Variants in XRN1 observed in about 807,000 individuals in gnomAD.
XRN1 encodes strand-exchange protein 1 homolog.
A neutral mutation model predicts 222.3 loss-of-function variants in XRN1; 67 were observed. The ratio of observed to expected loss-of-function variants is 0.30; its 90% CI spans 0.25 to 0.37. The LOEUF (loss-of-function observed/expected upper bound fraction) is 0.37. Ranked by LOEUF, XRN1 falls within the 10% of genes least tolerant of loss-of-function variation. XRN1 has a pLI of 1.00. For missense variants in XRN1, 1,707 were observed against 2,000.2 expected (o/e 0.85, Z 2.80); for synonymous variants, 643 against 652.4 (o/e 0.99, Z 0.22).
At chr3:142,336,156 T>A (rs1021189489) in intron 33 of XRN1, among the ~76,000 whole-genome samples, 1 of 151,984 alleles carries the variant, frequency 6.6e-6, no homozygotes, top group African/African-American at 2.4e-5. Flanking sequence ...GATGTGAAGA[T>A]GAAGGAGATA....
chr3:142,375,180 G>A (rs1431464819), intron 25 of XRN1, among the ~76,000 whole-genome samples: 1 of 152,124 alleles, frequency 6.6e-6, no homozygotes, highest in East Asian at 1.9e-4. Context: ...CCCAGTTCGT[G>A]GTACTTTGTT....
chr3:142,359,274 C>T (rs1053545371), intron 30 of XRN1, among the ~76,000 whole-genome samples: 2 of 152,112 alleles, frequency 1.3e-5, no homozygotes, highest in African/African-American at 4.8e-5. Context: ...GTCAAACTTC[C>T]CAAGTGTTGC....
intron 1 of XRN1, chr3:142,435,031 T>C (rs2069811186): frequency 6.6e-6 from 1 of 152,154 alleles, no homozygotes; most frequent in Non-Finnish European, 1.5e-5. Context: ...TTTACATATA[T>C]AGGGTTAAAA....
intron 10 of XRN1, 96 bp from the exon 11 acceptor site, chr3:142,418,977 C>T (rs1577403252): frequency 1.7e-6 from 2 of 1,153,730 alleles, no homozygotes; most frequent in East Asian, 2.4e-5. Flanking sequence ...TTCTATAGTT[C>T]TTCCATGTTA....
At chr3:142,432,146 TAA>T (rs1377598860) in intron 2 of XRN1, among the ~76,000 whole-genome samples, 3 of 126,782 alleles carry the variant, frequency 2.4e-5, no homozygotes, top group African/African-American at 9.5e-5. Context: ...ATAAAATATA[TAA>T]TATATAATTT....
chr3:142,374,618 G>A (rs1165740411), intron 25 of XRN1, among the ~76,000 whole-genome samples: 2 of 152,160 alleles, frequency 1.3e-5, no homozygotes, highest in Non-Finnish European at 2.9e-5. Flanking sequence ...CCAGAGTGGT[G>A]GAAGTCAAAG....
At chr3:142,374,425 TAAG>T (rs912616839) in intron 25 of XRN1, among the ~76,000 whole-genome samples, 1 of 152,050 alleles carries the variant, frequency 6.6e-6, no homozygotes, top group Non-Finnish European at 1.5e-5. Flanking sequence ...TGAACACAGA[TAAG>T]AAGCAAATGA....
At chr3:142,417,034 A>T in intron 13 of XRN1, 106 bp downstream of exon 13, 2 of 824,650 alleles carry the variant, frequency 2.4e-6, no homozygotes, top group South Asian at 4.5e-5. Flanking sequence ...AAAAAAAAAA[A>T]AAATTACCAT....
Position 142,448,021 on chromosome 3 carries a change from G to C in XRN1, c.-77C>G. On this transcript the variant is annotated 5_prime_UTR_variant, in exon 1 of 41. Transcript: ENST00000392981. ...CGCCGGGGCTCCGCCGCAGCCTCCG[G>C]TCGTCGCTCCGCGGATGACAACACA... The C allele has an allele frequency of 6.7e-7, 1 of 1,495,240 alleles. No homozygotes were observed. Among genetic ancestry groups the C allele is most frequent in the Non-Finnish European group, 9.3e-7 (1 of 1,080,248 alleles). The allele number at this position is 1,495,240 out of a possible 1,614,324, so 92.6% of individuals were successfully genotyped here.
chr3:142,330,593 GTT>G (rs74269485), intron 36 of XRN1, among the ~76,000 whole-genome samples: 1,708 of 137,080 alleles, frequency 0.012, 36 homozygotes, highest in African/African-American at 0.043. Context: ...AAGCCTATGA[GTT>G]TTTTTTTTTT....
intron 33 of XRN1, among the ~76,000 whole-genome samples, chr3:142,346,091 T>C (rs186688854): frequency 6.6e-6 from 1 of 152,366 alleles, no homozygotes; most frequent in East Asian, 1.9e-4. Flanking sequence ...CAGATATTCA[T>C]AGCAGCATTA....
chr3:142,421,325 T>C lies in XRN1; in HGVS notation c.1035+151A>G, dbSNP rs2069024169. On this transcript the variant is annotated intron_variant, in intron 9 of 40. Transcript: ENST00000392981. ...TCTAAAAATACAAATAGAAAGCAAA[T>C]AAAAATAAAATTAATTTAGGTAAAA... 5.4e-6 allele frequency: 5 copies of C among 925,102 alleles called. No individual in the cohort carries two copies. In the Admixed American group the frequency reaches 1.7e-4, roughly 32 times the overall value. The allele number at this position is 925,102 out of a possible 1,614,324, so 57.3% of individuals were successfully genotyped here.
Position 142,418,539 on chromosome 3 carries a change from A to G in XRN1, c.1311T>C (p.Tyr437=), listed in dbSNP as rs375990849. 4.3e-6 allele frequency: 7 copies of G among 1,611,824 alleles called. No individual in the cohort carries two copies. In the African/African-American group the frequency reaches 8.0e-5, roughly 18 times the overall value. The change falls in exon 12 of 41, where the codon TAT becomes TAC. Residue 437 remains tyrosine (Y), a synonymous_variant. Coordinates refer to ENST00000392981, the MANE Select transcript of XRN1 (RefSeq NM_001282857.2). ...ETEFRQYKRT[Y]YMTKMGVDVV... ...CGTCAACCCCCATCTTCGTCATGTA[A>G]TATGTTCTTTTATATTGTCTAAACT...
chr3:142,395,116 GCTA>G (rs1447344102), intron 20 of XRN1, among the ~76,000 whole-genome samples: 1 of 152,164 alleles, frequency 6.6e-6, no homozygotes, highest in Non-Finnish European at 1.5e-5. Context: ...CTCACCTCAT[GCTA>G]CTAACATTCT....
chr3:142,393,357 T>C, intron 20 of XRN1, among the ~76,000 whole-genome samples: 1 of 144,840 alleles, frequency 6.9e-6, no homozygotes, highest in Admixed American at 7.0e-5. Flanking sequence ...ATTTTGTCTT[T>C]TGTTGCCATT....
intron 15 of XRN1, among the ~76,000 whole-genome samples, chr3:142,411,716 T>C (rs1047193812): frequency 1.3e-5 from 2 of 152,194 alleles, no homozygotes; most frequent in Non-Finnish European, 2.9e-5. Flanking sequence ...GTGTGCTATT[T>C]AGTTTCAAAA....
At position 142,404,901 on chromosome 3, in the gene XRN1, C is replaced by T. The variant is rs751732673; in HGVS notation, c.1883+6G>A. 3 of 1,613,834 alleles carry T rather than the reference C, an allele frequency of 1.9e-6. No homozygotes were observed. In the Admixed American group the frequency reaches 5.0e-5, roughly 27 times the overall value. ...TTGTTGTTGAAAAATTACCAAGTAA[C>T]ATTACCTTGTACAACATCGTTCTAT... On this transcript the variant is annotated splice_donor_region_variant and intron_variant, in intron 16 of 40. Transcript: ENST00000392981.
intron 1 of XRN1, among the ~76,000 whole-genome samples, chr3:142,443,531 G>A (rs1027223023): frequency 6.6e-6 from 1 of 152,164 alleles, no homozygotes. Flanking sequence ...ACAGTGGGAG[G>A]GACAAGGATC....
chr3:142,402,911 T>C (rs1158551327), intron 18 of XRN1, among the ~76,000 whole-genome samples: 1 of 152,220 alleles, frequency 6.6e-6, no homozygotes, highest in Non-Finnish European at 1.5e-5. Flanking sequence ...TTATTTCATC[T>C]TGTTCATCTA....
Sources: gnomAD v4.1 joint callset for allele counts (sites outside exome capture counted in the v4.1 genomes callset) on GRCh38, gnomAD v4.1.1 for gene constraint, MANE v1.5 for transcripts, NCBI Gene and HGNC (gene_info 2026-07-23, HGNC 2026-07-21) for gene names.